The following DCC variants were observed in gnomAD, a reference collection of about 807,000 sequenced individuals.
DCC encodes netrin receptor DCC.
A neutral mutation model predicts 172.5 loss-of-function variants in DCC; 58 were observed. That is an observed-to-expected ratio of 0.34 (90% CI 0.27 to 0.42). DCC has a LOEUF of 0.42. DCC is among the 10% of genes least tolerant of loss of function. The pLI is 1.00. For missense variants in DCC, 1,740 were observed against 1,791.0 expected, an observed-to-expected ratio of 0.97 and a Z score of 0.51; for synonymous variants, 709 against 644.5, an observed-to-expected ratio of 1.10 and a Z score of -1.52.
chr18:52,758,106 G>A (rs772102848), intron 2 of DCC, among the ~76,000 whole-genome samples: 2 of 152,150 alleles, frequency 1.3e-5, no homozygotes, highest in Admixed American at 6.5e-5. Flanking sequence ...CTCCTTGTGG[G>A]AAACACTATG....
At chr18:53,340,237 A>C (rs1446493120) in intron 15 of DCC, among the ~76,000 whole-genome samples, 1 of 152,182 alleles carries the variant, frequency 6.6e-6, no homozygotes, top group African/African-American at 2.4e-5. Flanking sequence ...TCCAGTGGTC[A>C]ATGGAAACTT....
At chr18:52,651,350 A>G (rs1303364197) in intron 1 of DCC, among the ~76,000 whole-genome samples, 1 of 151,870 alleles carries the variant, frequency 6.6e-6, no homozygotes, top group Admixed American at 6.6e-5. Context: ...TTGGATTTCT[A>G]AAAAACAATT....
chr18:52,473,780 C>A (rs1989013138), intron 1 of DCC, among the ~76,000 whole-genome samples: 1 of 152,102 alleles, frequency 6.6e-6, no homozygotes, highest in African/African-American at 2.4e-5. Context: ...TGGGACACAG[C>A]CAAACCATAT....
chr18:53,016,377 C>T (rs994772380), intron 5 of DCC, among the ~76,000 whole-genome samples: 1 of 152,022 alleles, frequency 6.6e-6, no homozygotes, highest in African/African-American at 2.4e-5. Context: ...TAGAACATGC[C>T]TTTGAACATA....
At chr18:53,305,824 C>A in intron 13 of DCC, 105 bp downstream of exon 13, 1 of 1,206,134 alleles carries the variant, frequency 8.3e-7, no homozygotes, top group Non-Finnish European at 1.2e-6. Context: ...TTCCTGGCAT[C>A]CAGGCAGGTG....
At chr18:52,534,668 G>T (rs1294557071) in intron 1 of DCC, among the ~76,000 whole-genome samples, 1 of 152,160 alleles carries the variant, frequency 6.6e-6, no homozygotes, top group African/African-American at 2.4e-5. Flanking sequence ...CCACCTTGCA[G>T]ATTGAGAGTA....
At chr18:52,743,393 G>T (rs897109987) in intron 1 of DCC, among the ~76,000 whole-genome samples, 5 of 152,160 alleles carry the variant, frequency 3.3e-5, no homozygotes, top group Non-Finnish European at 7.3e-5. Flanking sequence ...TCTCTTTTTA[G>T]TGTTAATTTT....
At chr18:52,648,636 A>G (rs1049690919) in intron 1 of DCC, among the ~76,000 whole-genome samples, 3 of 152,210 alleles carry the variant, frequency 2.0e-5, no homozygotes, top group Non-Finnish European at 4.4e-5. Flanking sequence ...GCGTCTTTTC[A>G]CACACATGCA....
At chr18:52,827,691 A>G (rs1281009683) in intron 2 of DCC, among the ~76,000 whole-genome samples, 1 of 152,256 alleles carries the variant, frequency 6.6e-6, no homozygotes, top group Admixed American at 6.5e-5. Flanking sequence ...CTATTTGCAG[A>G]CAATGGCAGG....
intron 2 of DCC, among the ~76,000 whole-genome samples, chr18:52,767,991 G>A (rs1186685103): frequency 1.3e-5 from 2 of 152,200 alleles, no homozygotes; most frequent in Non-Finnish European, 2.9e-5. Context: ...GATTACAAAT[G>A]AAATAGCGCT....
chr18:53,047,495 T>TA (rs1385380836), intron 5 of DCC, among the ~76,000 whole-genome samples: 7,114 of 92,300 alleles, frequency 0.077, 560 homozygotes, highest in Non-Finnish European at 0.09. Flanking sequence ...CTTTTTTTTA[T>TA]TAAACTGAGA....
At chr18:52,418,822 C>G (rs916767689) in intron 1 of DCC, among the ~76,000 whole-genome samples, 3 of 151,066 alleles carry the variant, frequency 2.0e-5, no homozygotes, top group Non-Finnish European at 4.4e-5. Context: ...AAAACAGTAT[C>G]CGAGATCCTT....
chr18:52,974,674 T>C (rs1009403718), intron 5 of DCC, among the ~76,000 whole-genome samples: 15 of 152,304 alleles, frequency 9.8e-5, no homozygotes, highest in Middle Eastern at 3.4e-3. Flanking sequence ...TGATCCAGTA[T>C]GTTACCCTGT....
intron 1 of DCC, among the ~76,000 whole-genome samples, chr18:52,689,514 A>G (rs966118903): frequency 6.6e-6 from 1 of 152,134 alleles, no homozygotes; most frequent in African/African-American, 2.4e-5. Flanking sequence ...TTTCCTGCAT[A>G]GACTGTCAGC....
At chr18:53,195,599 G>A (rs1207598844) in intron 9 of DCC, among the ~76,000 whole-genome samples, 2 of 152,094 alleles carry the variant, frequency 1.3e-5, no homozygotes, top group Admixed American at 1.3e-4. Flanking sequence ...CGAGGTATAG[G>A]GTCGTTTTTG....
At chr18:53,132,856 A>G (rs1038329978) in intron 7 of DCC, among the ~76,000 whole-genome samples, 16 of 152,202 alleles carry the variant, frequency 1.1e-4, no homozygotes, top group African/African-American at 3.6e-4. Flanking sequence ...TATGCCAAGA[A>G]CAGGTTATTC....
At chr18:52,831,572 T>C (rs1319619) in intron 2 of DCC, among the ~76,000 whole-genome samples, 36,380 of 151,976 alleles carry the variant, frequency 0.24, 5,366 homozygotes, top group African/African-American at 0.42. Context: ...CAGAATTTGA[T>C]GACAGATTAG....
At chr18:53,342,730 AATAT>A (rs58516702) in intron 15 of DCC, among the ~76,000 whole-genome samples, 42 of 143,438 alleles carry the variant, frequency 2.9e-4, no homozygotes, top group African/African-American at 1.0e-3. Flanking sequence ...GAAATACCCA[AATAT>A]ATATATATAT....
At chr18:52,424,959 G>A (rs1251385736) in intron 1 of DCC, among the ~76,000 whole-genome samples, 1 of 151,354 alleles carries the variant, frequency 6.6e-6, no homozygotes, top group Non-Finnish European at 1.5e-5. Flanking sequence ...ATTTCATGGG[G>A]GTACAAGTAT....
Sources: gnomAD v4.1 joint callset for allele counts (sites outside exome capture counted in the v4.1 genomes callset) on GRCh38, gnomAD v4.1.1 for gene constraint, MANE v1.5 for transcripts, NCBI Gene and HGNC (gene_info 2026-07-23, HGNC 2026-07-21) for gene names.